Variants in MBIP observed in about 807,000 individuals in gnomAD.
MBIP encodes the protein MAP3K12-binding inhibitory protein 1.
In MBIP, 32 loss-of-function variants were observed where a neutral mutation model predicts 45.7. That is an observed-to-expected ratio of 0.70 (90% CI 0.53 to 0.94). The LOEUF is 0.94. Ranked by LOEUF, MBIP falls within the 40% of genes least tolerant of loss-of-function variation. The pLI is 0.00. For missense variants in MBIP, 381 were observed against 405.5 expected (o/e 0.94, Z 0.52); for synonymous variants, 145 against 141.0 (o/e 1.03, Z -0.20).
chr14:36,300,572 A>G (rs1488389874), intron 8 of MBIP, among the ~76,000 whole-genome samples: 1 of 152,246 alleles, frequency 6.6e-6, no homozygotes, highest in African/African-American at 2.4e-5. Context: ...AAAGCAGGAC[A>G]AAGGTTTTAT....
Position 36,298,986 on chromosome 14 carries a change from A to G in MBIP, c.*97T>C. On this transcript the variant is annotated 3_prime_UTR_variant, in exon 9 of 9. Transcript: ENST00000416007. ...AAAATAAACCTTGACTTCACAGAGA[A>G]GTCTACATTGATAAATATATATCCG... 1.2e-6 allele frequency: 1 copy of G among 829,538 alleles called. No homozygotes were observed. The highest frequency in any genetic ancestry group is 2.0e-6 in the Non-Finnish European group (1 of 505,686). The allele number at this position is 829,538 out of a possible 1,614,324, so 51.4% of individuals were successfully genotyped here.
At position 36,314,549 on chromosome 14, in the gene MBIP, G is replaced by A. The variant is rs754886146; in HGVS notation, c.534C>T (p.Asn178=). 26 of 1,610,148 alleles carry A rather than the reference G, an allele frequency of 1.6e-5. No homozygotes were observed. Among genetic ancestry groups the A allele is most frequent in the African/African-American group, 2.7e-5 (2 of 74,758 alleles). Residue 178 remains asparagine, a synonymous_variant, in exon 4 of 9, where the codon AAC becomes AAT. Transcript: ENST00000416007. ...ERKQAEINEN[N]VREFCNVIDC... is the part of the protein sequence containing the mutation. Reference sequence around the variant, plus strand: ...CAATAACATTGCAAAATTCCCTGACGTTGTTTTCATTGATTTCAGCTTGCT... The same window carrying A: ...CAATAACATTGCAAAATTCCCTGACATTGTTTTCATTGATTTCAGCTTGCT...
At chr14:36,309,281 A>T (rs1016677514) in intron 6 of MBIP, among the ~76,000 whole-genome samples, 5 of 152,072 alleles carry the variant, frequency 3.3e-5, no homozygotes, top group African/African-American at 1.2e-4. Flanking sequence ...AATTTTCTCC[A>T]TTCCATTACT....
In MBIP at chr14:36,314,695, G is replaced by C. The variant is rs1171075041; in HGVS notation, c.470C>G (p.Ala157Gly). The C allele has an allele frequency of 1.5e-5, 24 of 1,612,604 alleles. No individual in the cohort carries two copies. The highest frequency in any genetic ancestry group is 2.0e-5 in the Non-Finnish European group (24 of 1,179,208). ...CCCGCCAAAAAACCTTCTTACTTCT[G>C]CTTTTCCAGCCTTTATCTGAACTAC... is the stretch of plus-strand genomic sequence containing the variant. ...PEVVQIKAGK[A>G]EIDRRISAFI... Residue 157 changes from alanine (A) to glycine (G), a missense_variant, in exon 3 of 9, where the codon GCA becomes GGA. Transcript: ENST00000416007.
intron 5 of MBIP, 103 bp from the exon 6 acceptor site, chr14:36,311,828 C>A (rs987413503): frequency 1.6e-6 from 2 of 1,239,436 alleles, no homozygotes; most frequent in Non-Finnish European, 2.2e-6. Flanking sequence ...GACCATCTAA[C>A]CACAAGTATG....
intron 7 of MBIP, chr14:36,305,209 G>A (rs1415211544): frequency 6.6e-6 from 1 of 152,168 alleles, no homozygotes; most frequent in Non-Finnish European, 1.5e-5. Context: ...TATTCCAAGT[G>A]AGGTTCCTAA....
In MBIP at chr14:36,311,734, A is replaced by C; in HGVS notation, c.638-9T>G. 6.3e-7 allele frequency: 1 copy of C among 1,585,098 alleles called. No homozygotes were observed. The highest frequency in any genetic ancestry group is 8.6e-7 in the Non-Finnish European group (1 of 1,167,602). ...ATTCACAACTCTAGAAACTAAATTA[A>C]GAAACTTTTGAGCCTATATACATTT... On this transcript the variant is annotated splice_polypyrimidine_tract_variant and intron_variant, in intron 5 of 8. Coordinates refer to ENST00000416007, the MANE Select transcript of MBIP (RefSeq NM_016586.3).
At chr14:36,307,624 T>G (rs1465976167) in intron 7 of MBIP, among the ~76,000 whole-genome samples, 1 of 152,054 alleles carries the variant, frequency 6.6e-6, no homozygotes, top group Non-Finnish European at 1.5e-5. Flanking sequence ...GAAAGTCTGG[T>G]GGTTAAGGTA....
intron 4 of MBIP, chr14:36,313,795 T>TC (rs1426718697): frequency 6.6e-6 from 1 of 152,138 alleles, no homozygotes; most frequent in East Asian, 1.9e-4. Context: ...AGAAACATGT[T>TC]CATTCCAATT....
intron 1 of MBIP, among the ~76,000 whole-genome samples, chr14:36,317,747 T>C (rs1441227114): frequency 1.3e-5 from 2 of 152,100 alleles, no homozygotes; most frequent in East Asian, 3.8e-4. Flanking sequence ...TATAAGACTA[T>C]ACTTCATAGT....
intron 7 of MBIP, among the ~76,000 whole-genome samples, chr14:36,304,642 A>G (rs1467138481): frequency 6.6e-6 from 1 of 152,244 alleles, no homozygotes; most frequent in Non-Finnish European, 1.5e-5. Context: ...TAGAACTCTT[A>G]TATCAAAATG....
At position 36,317,292 on chromosome 14, in the gene MBIP, T is replaced by C. The variant is rs537582973; in HGVS notation, c.130-480A>G. 9.2e-5 allele frequency among the ~76,000 whole-genome samples: 14 copies of C among 152,360 alleles called. No individual in the cohort carries two copies. In the East Asian group the frequency reaches 2.7e-3, roughly 29 times the overall value. ...AATACATATCAGAAATATATCATTA[T>C]TCTGATGTCCTCCAAATCACATTTT... On this transcript the variant is annotated intron_variant, in intron 1 of 8. Transcript: ENST00000416007.
Position 36,320,546 on chromosome 14 carries a change from T to C in MBIP, c.43A>G (p.Arg15Gly), listed in dbSNP as rs1880843861. The C allele has an allele frequency of 6.2e-7, 1 of 1,613,686 alleles. No homozygotes were observed. Among genetic ancestry groups the C allele is most frequent in the South Asian group, 1.1e-5 (1 of 91,042 alleles). ...GGTCTGCATCTTCGCTCCAGGTTCC[T>C]GTCACCGCTGCTCGGGCGATTAAGC... ...TELNRPSSGD[R>G]NLERRCRPNL... The change falls in exon 1 of 9, where the codon AGG (arginine) becomes GGG (glycine). Residue 15 changes from arginine to glycine, a missense_variant. Physicochemically the swap from Arg to Gly is moderately radical, Grantham distance 125 (BLOSUM62 -2). Coordinates refer to ENST00000416007, the MANE Select transcript of MBIP (RefSeq NM_016586.3).
intron 3 of MBIP, 33 bp from the exon 4 acceptor site, chr14:36,314,641 A>G (rs1308046932): frequency 1.9e-6 from 3 of 1,605,740 alleles, no homozygotes; most frequent in Admixed American, 1.7e-5. Context: ...GTGTAAACAT[A>G]AGATTTTTTA....
chr14:36,312,928 TC>T lies in MBIP; in HGVS notation c.572-905del, dbSNP rs555107027. ...AGATTCTTTAAAAAAAATTATTTTT[TC>T]CCCCCTATGAAATTTGATTTTTAAA... is the stretch of plus-strand genomic sequence containing the variant. On this transcript the variant is annotated intron_variant, in intron 4 of 8. Transcript: ENST00000416007. Among the ~76,000 whole-genome samples, 90 of 150,432 alleles carry T rather than the reference TC, an allele frequency of 6.0e-4. No individual in the cohort carries two copies. In the South Asian group the frequency reaches 0.018, roughly 30 times the overall value.
chr14:36,320,549 C>CA lies in MBIP; in HGVS notation c.39dup (p.Asp14Ter). 1 of 1,613,616 alleles carries CA rather than the reference C, an allele frequency of 6.2e-7. No individual in the cohort carries two copies. The highest frequency in any genetic ancestry group is 1.3e-5 in the African/African-American group (1 of 75,036). ...CTGCATCTTCGCTCCAGGTTCCTGT[C>CA]ACCGCTGCTCGGGCGATTAAGCTCC... On this transcript the variant is annotated frameshift_variant, in exon 1 of 9. Coordinates refer to ENST00000416007, the MANE Select transcript of MBIP (RefSeq NM_016586.3). LOFTEE classifies it high-confidence loss of function.
chr14:36,300,316 C>T (rs559980895), intron 8 of MBIP, among the ~76,000 whole-genome samples: 1 of 152,256 alleles, frequency 6.6e-6, no homozygotes, highest in African/African-American at 2.4e-5. Flanking sequence ...AGAAAGTTTT[C>T]TCCAACTTTA....
chr14:36,300,916 G>A, intron 7 of MBIP, 93 bp from the exon 8 acceptor site: 1 of 735,928 alleles, frequency 1.4e-6, no homozygotes. Flanking sequence ...ACAGCCTTGG[G>A]AACCCTGACA....
intron 6 of MBIP, among the ~76,000 whole-genome samples, chr14:36,309,019 C>G (rs8017683): frequency 1.3e-5 from 2 of 152,160 alleles, no homozygotes; most frequent in Non-Finnish European, 2.9e-5. Flanking sequence ...CAATGGCCTA[C>G]AAGGCCATAC....
Sources: allele counts gnomAD v4.1 joint callset (sites outside exome capture counted in the v4.1 genomes callset), GRCh38; gene constraint gnomAD v4.1.1; transcripts MANE v1.5; gene names NCBI Gene and HGNC (gene_info 2026-07-23, HGNC 2026-07-21).